Variants in BCL7A observed in about 807,000 individuals in gnomAD.
BCL7A encodes B-cell CLL/lymphoma 7 protein family member A.
Under a neutral mutation model 28.4 loss-of-function variants are expected in BCL7A, and 11 were observed. The observed-to-expected ratio is 0.39, with a 90% confidence interval of 0.24 to 0.64. BCL7A has a LOEUF of 0.64. Ranked by LOEUF, BCL7A falls within the 30% of genes least tolerant of loss-of-function variation. BCL7A has a pLI of 0.50. For missense variants in BCL7A, 222 were observed against 274.8 expected (o/e 0.81, Z 1.36); for synonymous variants, 123 against 103.3 (o/e 1.19, Z -1.15).
In BCL7A at chr12:122,025,761, C is replaced by T. The variant is rs1342542410; in HGVS notation, c.92+3578C>T. ...AGGAGTTGGAAACCAGCCTGGCCAA[C>T]ATGGTGAAACCCTGTCTCTACTAAA... On this transcript the variant is annotated intron_variant, in intron 1 of 5. Transcript: ENST00000261822. 2.0e-5 allele frequency among the ~76,000 whole-genome samples: 3 copies of T among 150,964 alleles called. 1 individual carries two copies. In the East Asian group the frequency reaches 5.9e-4, roughly 30 times the overall value.
intron 3 of BCL7A, 38 bp from the exon 4 acceptor site, chr12:122,043,848 G>T: frequency 6.4e-7 from 1 of 1,564,286 alleles, no homozygotes. Context: ...TGGCAGCTGT[G>T]GGATTTCATC....
chr12:122,021,943 T>TGTGC lies in BCL7A; in HGVS notation c.-146_-145insCGTG, dbSNP rs1883465066. Reference sequence around the variant, plus strand: ...GTGTGTGTGTGTATGTGTGTGTGTGTGTGTGTGTGTGTGTGAGTGTGTGCG... The same window carrying TGTGC: ...GTGTGTGTGTGTATGTGTGTGTGTGTGTGCGTGTGTGTGTGTGTGAGTGTGTGCG... On this transcript the variant is annotated 5_prime_UTR_variant, in exon 1 of 6. An upstream open reading frame in the 5' UTR loses its in-frame stop. Transcript: ENST00000261822. The TGTGC allele has an allele frequency of 1.7e-6, 1 of 572,292 alleles. No individual in the cohort carries two copies. The highest frequency in any genetic ancestry group is 2.0e-5 in the African/African-American group (1 of 50,438). 35.5% of individuals were successfully genotyped at this position (572,292 alleles called of 1,614,324 possible).
At position 122,061,199 on chromosome 12, in the gene BCL7A, A is replaced by G; in HGVS notation, c.*2036A>G. The G allele has an allele frequency of 4.4e-6, 1 of 228,898 alleles. No homozygotes were observed. The highest frequency in any genetic ancestry group is 6.2e-5 in the East Asian group (1 of 16,022). 14.2% of individuals were successfully genotyped at this position (228,898 alleles called of 1,614,324 possible). A position where few individuals can be genotyped will look rare whatever the true frequency, so the allele number is the denominator to read the frequency against. On this transcript the variant is annotated 3_prime_UTR_variant, in exon 6 of 6. Transcript: ENST00000261822. ...TCCTTCTCTGTTTTTGGGAAACGAG[A>G]GGCTACAACCAAGACAGCTGAAGGA... is the stretch of plus-strand genomic sequence containing the variant.
At chr12:122,052,273 A>G (rs752858018) in intron 4 of BCL7A, among the ~76,000 whole-genome samples, 7 of 152,202 alleles carry the variant, frequency 4.6e-5, no homozygotes, top group African/African-American at 7.2e-5. Context: ...AGCTCAAGCT[A>G]TCTTCCCACC....
At chr12:122,022,712 C>T (rs1269207151) in intron 1 of BCL7A, among the ~76,000 whole-genome samples, 6 of 148,970 alleles carry the variant, frequency 4.0e-5, no homozygotes, top group Non-Finnish European at 7.5e-5. Context: ...GCCCGGCCGC[C>T]CGCTCCCGCC....
At chr12:122,025,676 T>G (rs569087349) in intron 1 of BCL7A, among the ~76,000 whole-genome samples, 1 of 149,134 alleles carries the variant, frequency 6.7e-6, no homozygotes, top group South Asian at 2.1e-4. Context: ...CTGGACGCAG[T>G]GGCTCATGCC....
Position 122,043,982 on chromosome 12 carries a change from T to C in BCL7A, c.368T>C (p.Val123Ala). 6.2e-7 allele frequency: 1 copy of C among 1,613,904 alleles called. No homozygotes were observed. Among genetic ancestry groups the C allele is most frequent in the Non-Finnish European group, 8.5e-7 (1 of 1,179,998 alleles). ...CCCGCTCCAGAGCCCAACTCGGCTG[T>C]GCCCAGCGACGGCACCGAGGCCAAG... ...SSPAPEPNSA[V>A]PSDGTEAKVD... Residue 123 changes from valine to alanine, a missense_variant, in exon 4 of 6, where the codon GTG (valine) becomes GCG (alanine). By Grantham distance (64) the Val-to-Ala change is moderately conservative. This residue lies in a region of BCL7A where 155 missense variants were observed against 145.7 expected (regional missense o/e 1.06). Transcript: ENST00000261822.
At chr12:122,030,087 C>T (rs1371106925) in intron 1 of BCL7A, among the ~76,000 whole-genome samples, 1 of 152,114 alleles carries the variant, frequency 6.6e-6, no homozygotes, top group East Asian at 1.9e-4. Context: ...GGTGCAGTTC[C>T]CCTCCCACCT....
At chr12:122,044,192 A>G (rs1884022826) in intron 4 of BCL7A, 139 bp downstream of exon 4, 1 of 994,200 alleles carries the variant, frequency 1.0e-6, no homozygotes, top group African/African-American at 1.6e-5. Context: ...CACCTGGAGT[A>G]CATGGTCTCG....
At chr12:122,049,078 A>T (rs1018154158) in intron 4 of BCL7A, among the ~76,000 whole-genome samples, 4 of 146,584 alleles carry the variant, frequency 2.7e-5, no homozygotes, top group East Asian at 2.0e-4. Flanking sequence ...ACAAAAAAAA[A>T]TACATAAAAC....
chr12:122,060,157 G>A lies in BCL7A; in HGVS notation c.*994G>A, dbSNP rs1951909018. The A allele has an allele frequency of 4.3e-6, 1 of 233,012 alleles. No homozygotes were observed. Among genetic ancestry groups the A allele is most frequent in the Non-Finnish European group, 8.5e-6 (1 of 117,654 alleles). 14.4% of individuals were successfully genotyped at this position (233,012 alleles called of 1,614,324 possible). A position where few individuals can be genotyped will look rare whatever the true frequency, so the allele number is the denominator to read the frequency against. On this transcript the variant is annotated 3_prime_UTR_variant, in exon 6 of 6. Transcript: ENST00000261822. ...GCTGAACTTTCTCTCATAGGACGTC[G>A]CTTGGATTTCAAATCCACGGTCACC...
chr12:122,031,634 A>G (rs138951011), intron 2 of BCL7A, among the ~76,000 whole-genome samples: 5 of 152,146 alleles, frequency 3.3e-5, no homozygotes, highest in Non-Finnish European at 5.9e-5. Flanking sequence ...GGTCTGTCTG[A>G]CTCCAAAGCG....
At chr12:122,043,799 G>C (rs1884009340) in intron 3 of BCL7A, 87 bp from the exon 4 acceptor site, 1 of 1,363,162 alleles carries the variant, frequency 7.3e-7, no homozygotes, top group Non-Finnish European at 9.8e-7. Flanking sequence ...TCCGGGCATT[G>C]AGGCACAGGG....
intron 3 of BCL7A, among the ~76,000 whole-genome samples, chr12:122,038,431 CAAAAAAAAA>C (rs56376395): frequency 3.9e-4 from 13 of 33,554 alleles, no homozygotes; most frequent in East Asian, 1.1e-3. Context: ...GACTCTGCCT[CAAAAAAAAA>C]AAAAAAAAAA....
Position 122,029,250 on chromosome 12 carries a change from C to A in BCL7A, c.93-1450C>A, listed in dbSNP as rs1043864060. On this transcript the variant is annotated intron_variant, in intron 1 of 5. Transcript: ENST00000261822. This position sits in a 1 kb window ranked among gnomAD's most constrained non-coding sequence, Gnocchi z 4.3. ...CACTGGTATAATAAGAAAAGCCGGG[C>A]CGTAGCGTCCTCTGATGGAACACGT... Among the ~76,000 whole-genome samples the A allele has an allele frequency of 6.6e-6, 1 of 152,172 alleles. No individual in the cohort carries two copies. Among genetic ancestry groups the A allele is most frequent in the Non-Finnish European group, 1.5e-5 (1 of 68,038 alleles).
intron 4 of BCL7A, among the ~76,000 whole-genome samples, chr12:122,047,673 C>T (rs2135855179): frequency 6.6e-6 from 1 of 152,152 alleles, no homozygotes; most frequent in South Asian, 2.1e-4. Context: ...TACAGACATG[C>T]ACCACCATGC....
chr12:122,024,191 C>T (rs1883555976), intron 1 of BCL7A, among the ~76,000 whole-genome samples: 1 of 152,336 alleles, frequency 6.6e-6, no homozygotes, highest in Non-Finnish European at 1.5e-5. Flanking sequence ...GGGGAAACAA[C>T]ACATCGTGTC....
At chr12:122,024,792 C>T (rs192456924) in intron 1 of BCL7A, among the ~76,000 whole-genome samples, 10 of 152,114 alleles carry the variant, frequency 6.6e-5, no homozygotes, top group Non-Finnish European at 1.2e-4. Context: ...TATACTAAAA[C>T]ATTATCTAAT....
At chr12:122,023,533 C>T (rs998690594) in intron 1 of BCL7A, among the ~76,000 whole-genome samples, 1 of 152,348 alleles carries the variant, frequency 6.6e-6, no homozygotes, top group South Asian at 2.1e-4. Context: ...ATAAAGTCCA[C>T]GTGCTCCCCG....
Sources: gnomAD v4.1 joint callset for allele counts (sites outside exome capture counted in the v4.1 genomes callset) on GRCh38, gnomAD v4.1.1 for gene constraint, gnomAD v4.1.1 regional missense constraint, Gnocchi (gnomAD v3.1) non-coding constraint, MANE v1.5 for transcripts, NCBI Gene and HGNC (gene_info 2026-07-23, HGNC 2026-07-21) for gene names.